GALNT18: variants seen among roughly 807,000 people sequenced by gnomAD.
The protein encoded by GALNT18 is GalNAc-transferase 18.
GALNT18 carries 44 observed loss-of-function variants against 69.5 expected under a neutral mutation model. The ratio of observed to expected loss-of-function variants is 0.63; its 90% CI spans 0.50 to 0.81. GALNT18 has a LOEUF of 0.81. GALNT18 is among the 40% of genes least tolerant of loss of function. The probability of loss-of-function intolerance (pLI) is 0.00; values close to 1 mark genes in which losing one functional copy is unlikely to be tolerated. For synonymous variants in GALNT18, 364 were observed against 318.2 expected, an observed-to-expected ratio of 1.14 and a Z score of -1.53; for missense variants, 715 against 810.0, an observed-to-expected ratio of 0.88 and a Z score of 1.42.
chr11:11,491,700 T>C (rs974925591), intron 1 of GALNT18, among the ~76,000 whole-genome samples: 1 of 152,204 alleles, frequency 6.6e-6, no homozygotes, highest in Non-Finnish European at 1.5e-5. Flanking sequence ...CACTTCACCC[T>C]TTCACCCTGG....
In GALNT18 at chr11:11,601,026, G is replaced by C. The variant is rs1351153188; in HGVS notation, c.235+20333C>G. Among the ~76,000 whole-genome samples, 1 of 151,848 alleles carries C rather than the reference G, an allele frequency of 6.6e-6. No individual in the cohort carries two copies. The highest frequency in any genetic ancestry group is 1.5e-5 in the Non-Finnish European group (1 of 67,950). The stretch of plus-strand genomic sequence containing the variant: ...TATCTTTTTATTGGTATTACCTATT[G>C]GTAAGACATTTTCATGATGCCTTTA... On this transcript the variant is annotated intron_variant, in intron 1 of 10. Transcript: ENST00000227756. The surrounding 1 kb of genome is among the most constrained non-coding windows in gnomAD (Gnocchi z 4.0).
intron 1 of GALNT18, among the ~76,000 whole-genome samples, chr11:11,493,694 T>C (rs1030804577): frequency 2.0e-5 from 3 of 152,178 alleles, no homozygotes; most frequent in African/African-American, 7.2e-5. Context: ...AGCCTCCCAG[T>C]TGGTGACTAG....
intron 3 of GALNT18, among the ~76,000 whole-genome samples, chr11:11,393,663 G>T (rs553819295): frequency 6.6e-6 from 1 of 152,352 alleles, no homozygotes; most frequent in Non-Finnish European, 1.5e-5. Flanking sequence ...AACATCAACA[G>T]CTAGCTCAGA....
chr11:11,559,063 C>G (rs1565011804), intron 1 of GALNT18, among the ~76,000 whole-genome samples: 1 of 152,228 alleles, frequency 6.6e-6, no homozygotes, highest in African/African-American at 2.4e-5. Context: ...TAATAAATAA[C>G]AGCACCTCCT....
At chr11:11,457,706 A>T (rs1855954653) in intron 1 of GALNT18, among the ~76,000 whole-genome samples, 1 of 152,042 alleles carries the variant, frequency 6.6e-6, no homozygotes. Context: ...CGGTTTGTGC[A>T]CCTAGGGATG....
chr11:11,273,288 G>C (rs1369745271), intron 10 of GALNT18, among the ~76,000 whole-genome samples: 1 of 152,156 alleles, frequency 6.6e-6, no homozygotes, highest in South Asian at 2.1e-4. Context: ...GAAAATATTT[G>C]CAAACTACCC....
At chr11:11,440,385 G>T (rs567107032) in intron 2 of GALNT18, among the ~76,000 whole-genome samples, 1 of 152,326 alleles carries the variant, frequency 6.6e-6, no homozygotes, top group Non-Finnish European at 1.5e-5. Context: ...TGTGTGGTGG[G>T]TTTGTCAGTG....
At chr11:11,508,006 G>A (rs377418111) in intron 1 of GALNT18, among the ~76,000 whole-genome samples, 8 of 152,128 alleles carry the variant, frequency 5.3e-5, no homozygotes, top group Middle Eastern at 3.4e-3. Context: ...GAGGTATGAC[G>A]GCATTATTGT....
In GALNT18 at chr11:11,500,784, G is replaced by A. The variant is rs1185638326; in HGVS notation, c.236-51848C>T. ...AAGGAGTCAAGGATCTCCTTTTCATGTATTTTCTGTACAAATAAAGAAGGT... is the reference window on the plus strand; with the variant it reads ...AAGGAGTCAAGGATCTCCTTTTCATATATTTTCTGTACAAATAAAGAAGGT... On this transcript the variant is annotated intron_variant, in intron 1 of 10. Transcript: ENST00000227756. The surrounding 1 kb of genome is among the most constrained non-coding windows in gnomAD (Gnocchi z 5.0). Among the ~76,000 whole-genome samples, 3 of 152,166 alleles carry A rather than the reference G, an allele frequency of 2.0e-5. No individual in the cohort carries two copies. The highest frequency in any genetic ancestry group is 4.4e-5 in the Non-Finnish European group (3 of 68,028).
intron 9 of GALNT18, among the ~76,000 whole-genome samples, chr11:11,325,586 T>C (rs1285250372): frequency 6.6e-6 from 1 of 152,154 alleles, no homozygotes; most frequent in Non-Finnish European, 1.5e-5. Flanking sequence ...TATTATATAG[T>C]CCTATTTATG....
rs1022412015 is a variant in GALNT18 at position 11,309,758 on chromosome 11, CCTT to C, written c.1513-16568_1513-16566del. On this transcript the variant is annotated intron_variant, in intron 9 of 10. Transcript: ENST00000227756. This position sits in a 1 kb window ranked among gnomAD's most constrained non-coding sequence, Gnocchi z 4.6. ...ACTTTCACTCTGCAGGGTTTCTAAA[CCTT>C]CTCCATTCTCTCACATACCCAGATC... 6.6e-6 allele frequency among the ~76,000 whole-genome samples: 1 copy of C among 152,094 alleles called. No individual in the cohort carries two copies. Among genetic ancestry groups the C allele is most frequent in the African/African-American group, 2.4e-5 (1 of 41,398 alleles).
At position 11,605,385 on chromosome 11, in the gene GALNT18, C is replaced by A. The variant is rs747219388; in HGVS notation, c.235+15974G>T. Among the ~76,000 whole-genome samples the A allele has an allele frequency of 1.3e-5, 2 of 152,214 alleles. No homozygotes were observed. The highest frequency in any genetic ancestry group is 4.8e-5 in the African/African-American group (2 of 41,448). ...CTCAGCTCCCTCTCCTCACTGCAGA[C>A]CTTTCCCGACACCTGTCTCCTGAGT... On this transcript the variant is annotated intron_variant, in intron 1 of 10. Coordinates refer to ENST00000227756, the MANE Select transcript of GALNT18 (RefSeq NM_198516.3). The surrounding 1 kb of genome is among the most constrained non-coding windows in gnomAD (Gnocchi z 4.7).
At chr11:11,392,382 G>A (rs1046201958) in intron 3 of GALNT18, among the ~76,000 whole-genome samples, 6 of 152,218 alleles carry the variant, frequency 3.9e-5, no homozygotes, top group Non-Finnish European at 8.8e-5. Flanking sequence ...CACTCTGGGA[G>A]GCCGAGGCAG....
intron 1 of GALNT18, among the ~76,000 whole-genome samples, chr11:11,522,393 G>T (rs1857419713): frequency 6.6e-6 from 1 of 152,160 alleles, no homozygotes; most frequent in Non-Finnish European, 1.5e-5. Context: ...CAGGCTTCAG[G>T]GTCCTCCCAT....
intron 5 of GALNT18, among the ~76,000 whole-genome samples, chr11:11,375,388 T>C (rs747345346): frequency 6.6e-6 from 1 of 152,228 alleles, no homozygotes; most frequent in African/African-American, 2.4e-5. Context: ...GGCTTGCTGA[T>C]TGAGACTGGA....
At chr11:11,352,053 G>A (rs1179062575) in intron 6 of GALNT18, 1 of 1,613,802 alleles carries the variant, frequency 6.2e-7, no homozygotes, top group Non-Finnish European at 8.5e-7. Flanking sequence ...TGGCACTGAA[G>A]AAATCCCTGA....
intron 6 of GALNT18, among the ~76,000 whole-genome samples, chr11:11,344,901 C>G (rs1238044347): frequency 2.0e-5 from 3 of 152,100 alleles, no homozygotes; most frequent in Non-Finnish European, 2.9e-5. Flanking sequence ...CAATGGATAC[C>G]ACACCAGGCT....
At chr11:11,462,291 C>G (rs200328868) in intron 1 of GALNT18, among the ~76,000 whole-genome samples, 1 of 78,698 alleles carries the variant, frequency 1.3e-5, no homozygotes, top group Non-Finnish European at 2.9e-5. Context: ...TTTTTTTTTC[C>G]TTTGCGATGG....
Position 11,309,526 on chromosome 11 carries a change from T to C in GALNT18, c.1513-16333A>G, listed in dbSNP as rs1472633148. Among the ~76,000 whole-genome samples the C allele has an allele frequency of 6.6e-6, 1 of 152,176 alleles. No individual in the cohort carries two copies. Among genetic ancestry groups the C allele is most frequent in the African/African-American group, 2.4e-5 (1 of 41,432 alleles). On this transcript the variant is annotated intron_variant, in intron 9 of 10. Transcript: ENST00000227756. The surrounding 1 kb of genome is among the most constrained non-coding windows in gnomAD (Gnocchi z 4.6). ...CAGCTTCAATTTTTAAATTCCTTAC[T>C]TTTTCTGCCTTTTACACCCTGTAAA... is the stretch of plus-strand genomic sequence containing the variant.
Sources: gnomAD v4.1 joint callset for allele counts (sites outside exome capture counted in the v4.1 genomes callset) on GRCh38, gnomAD v4.1.1 for gene constraint, Gnocchi (gnomAD v3.1) non-coding constraint, MANE v1.5 for transcripts, NCBI Gene and HGNC (gene_info 2026-07-23, HGNC 2026-07-21) for gene names.